SGCG: variants seen among roughly 807,000 people sequenced by gnomAD.
The protein encoded by SGCG is gamma-sarcoglycan.
Under a neutral mutation model 29.3 loss-of-function variants are expected in SGCG, and 26 were observed. The observed-to-expected ratio is 0.89, with a 90% confidence interval of 0.65 to 1.23. The LOEUF (loss-of-function observed/expected upper bound fraction) is 1.23, where lower values mean the gene tolerates loss of function less well. SGCG is among the 50% of genes most tolerant of loss of function. The pLI is 0.00. For missense variants in SGCG, 353 were observed against 356.0 expected, an observed-to-expected ratio of 0.99 and a Z score of 0.07; for synonymous variants, 145 against 129.7, an observed-to-expected ratio of 1.12 and a Z score of -0.80.
At chr13:23,287,527 T>A (rs1320215866) in intron 5 of SGCG, among the ~76,000 whole-genome samples, 1 of 152,150 alleles carries the variant, frequency 6.6e-6, no homozygotes, top group Non-Finnish European at 1.5e-5. Context: ...TCAGACACTC[T>A]GGGTAGGACC....
At chr13:23,207,104 T>C (rs975810693) in intron 2 of SGCG, among the ~76,000 whole-genome samples, 1 of 152,198 alleles carries the variant, frequency 6.6e-6, no homozygotes. Context: ...AGTATGGTAC[T>C]GGCATAAAGA....
At chr13:23,220,109 G>A (rs999488245) in intron 2 of SGCG, among the ~76,000 whole-genome samples, 5 of 151,698 alleles carry the variant, frequency 3.3e-5, no homozygotes, top group African/African-American at 9.7e-5. Context: ...CCAAAGTGCT[G>A]CAATTACAGG....
intron 6 of SGCG, among the ~76,000 whole-genome samples, chr13:23,300,809 TAAAAAAAAA>T (rs58050317): frequency 8.2e-6 from 1 of 122,490 alleles, no homozygotes; most frequent in Non-Finnish European, 1.6e-5. Flanking sequence ...ACTAGTTTAC[TAAAAAAAAA>T]AAAAAAAAAA....
chr13:23,217,274 C>A (rs750682181), intron 2 of SGCG, among the ~76,000 whole-genome samples: 6 of 152,098 alleles, frequency 3.9e-5, no homozygotes, highest in Non-Finnish European at 8.8e-5. Flanking sequence ...TTCAGAGCTA[C>A]ATGTTGTATC....
At chr13:23,291,852 G>A (rs1417789793) in intron 5 of SGCG, among the ~76,000 whole-genome samples, 1 of 152,148 alleles carries the variant, frequency 6.6e-6, no homozygotes, top group East Asian at 1.9e-4. Context: ...GGGTCATTTT[G>A]TCATACCCAA....
intron 4 of SGCG, among the ~76,000 whole-genome samples, chr13:23,264,912 C>T (rs573668011): frequency 6.6e-6 from 1 of 152,172 alleles, no homozygotes; most frequent in Non-Finnish European, 1.5e-5. Flanking sequence ...CTACTCTCAC[C>T]ATATACAAAA....
intron 3 of SGCG, among the ~76,000 whole-genome samples, chr13:23,238,783 A>G (rs1217265831): frequency 6.6e-6 from 1 of 152,254 alleles, no homozygotes; most frequent in Non-Finnish European, 1.5e-5. Context: ...TCTTCTAGAG[A>G]TGAAAAGTAT....
intron 1 of SGCG, among the ~76,000 whole-genome samples, chr13:23,190,962 A>AC (rs1397433584): frequency 6.6e-6 from 1 of 152,238 alleles, no homozygotes; most frequent in Non-Finnish European, 1.5e-5. Flanking sequence ...TTCAGAAAAT[A>AC]CTGTGCAATC....
chr13:23,175,100 G>A, the SGCG span, among the ~76,000 whole-genome samples: 1 of 152,160 alleles, frequency 6.6e-6, no homozygotes, highest in Non-Finnish European at 1.5e-5. Context: ...GACCACAGAA[G>A]GAGCTGAAAG....
upstream of SGCG, among the ~76,000 whole-genome samples, chr13:23,178,702 C>G (rs1390441749): frequency 6.6e-6 from 1 of 152,184 alleles, no homozygotes; most frequent in African/African-American, 2.4e-5. Context: ...TCCACATTCT[C>G]TCTCTACAGA....
intron 6 of SGCG, among the ~76,000 whole-genome samples, chr13:23,304,567 A>G (rs1056675887): frequency 6.6e-6 from 1 of 151,888 alleles, no homozygotes; most frequent in African/African-American, 2.4e-5. Context: ...TTCATGAGCC[A>G]GTAAGGAGTC....
chr13:23,257,529 G>T (rs923149237), intron 4 of SGCG, among the ~76,000 whole-genome samples: 13 of 152,138 alleles, frequency 8.5e-5, no homozygotes, highest in Non-Finnish European at 1.3e-4. Flanking sequence ...TTCTTTTGCT[G>T]TGCAGAAGCT....
intron 3 of SGCG, among the ~76,000 whole-genome samples, chr13:23,240,429 C>G (rs541446771): frequency 3.3e-5 from 5 of 152,170 alleles, no homozygotes; most frequent in African/African-American, 4.8e-5. Flanking sequence ...GATATAGAAA[C>G]AGTAAGCATA....
At position 23,324,501 on chromosome 13, in the gene SGCG, TG is replaced by T. The variant is rs1241900477; in HGVS notation, c.837del (p.Ser280AlafsTer20). The T allele has an allele frequency of 6.2e-7, 1 of 1,613,154 alleles. No individual in the cohort carries two copies. The highest frequency in any genetic ancestry group is 2.2e-5 in the East Asian group (1 of 44,850). On this transcript the variant is annotated frameshift_variant, in exon 8 of 8. Transcript: ENST00000218867. LOFTEE classifies it high-confidence loss of function. The stretch of plus-strand genomic sequence containing the variant: ...AAGCTGTACCTGTCTGTGGCCGGTG[TG>T]AGCACCACGTGCCAGGAGCACAACC... ...DGKLYLSVAG[V>X]STTCQEHNHI...
intron 4 of SGCG, among the ~76,000 whole-genome samples, chr13:23,269,569 T>C (rs1163889651): frequency 1.3e-5 from 2 of 152,212 alleles, no homozygotes; most frequent in Non-Finnish European, 2.9e-5. Context: ...ACCACATATA[T>C]GTTTTCTTAG....
At chr13:23,287,739 T>TG (rs1881547303) in intron 5 of SGCG, among the ~76,000 whole-genome samples, 1 of 118,290 alleles carries the variant, frequency 8.5e-6, no homozygotes, top group Non-Finnish European at 2.0e-5. Flanking sequence ...TGACCAGGGT[T>TG]TTTTGTTTGT....
At chr13:23,228,978 C>T (rs992987743) in intron 2 of SGCG, among the ~76,000 whole-genome samples, 1 of 152,198 alleles carries the variant, frequency 6.6e-6, no homozygotes, top group Non-Finnish European at 1.5e-5. Flanking sequence ...TCAAGCGATT[C>T]TCCAGCCTCA....
intron 1 of SGCG, among the ~76,000 whole-genome samples, chr13:23,196,415 G>A (rs1180116323): frequency 6.6e-6 from 1 of 152,072 alleles, no homozygotes; most frequent in South Asian, 2.1e-4. Flanking sequence ...CATCAGAGGA[G>A]CAGCATGTCT....
chr13:23,184,251 C>G (rs1195183188), intron 1 of SGCG, among the ~76,000 whole-genome samples: 1 of 152,140 alleles, frequency 6.6e-6, no homozygotes, highest in Non-Finnish European at 1.5e-5. Context: ...TTTAGAAGCA[C>G]AGTATAGTTG....
Sources: gnomAD v4.1 joint callset for allele counts (sites outside exome capture counted in the v4.1 genomes callset) on GRCh38, gnomAD v4.1.1 for gene constraint, MANE v1.5 for transcripts, NCBI Gene and HGNC (gene_info 2026-07-23, HGNC 2026-07-21) for gene names.